UGT1A4: variants seen among roughly 807,000 people sequenced by gnomAD.
UGT1A4 encodes UDP glucuronosyltransferase family 1 member A4.
Under a neutral mutation model 41.1 loss-of-function variants are expected in UGT1A4, and 32 were observed. That is an observed-to-expected ratio of 0.78 (90% CI 0.59 to 1.05). UGT1A4 has a LOEUF of 1.05. Ranked by LOEUF, UGT1A4 falls within the 50% of genes least tolerant of loss-of-function variation. The pLI, the probability that UGT1A4 is intolerant of heterozygous loss-of-function variation, is 0.00. For missense variants in UGT1A4, 748 were observed against 677.4 expected, an observed-to-expected ratio of 1.10 and a Z score of -1.16; for synonymous variants, 283 against 265.1, an observed-to-expected ratio of 1.07 and a Z score of -0.66.
intron 1 of UGT1A4, chr2:233,761,302 C>G: frequency 6.8e-7 from 1 of 1,473,836 alleles, no homozygotes. Context: ...AGGTTTGAGT[C>G]TGTCTTTGGC....
chr2:233,726,289 A>G (rs568621451), intron 1 of UGT1A4, among the ~76,000 whole-genome samples: 9 of 152,322 alleles, frequency 5.9e-5, no homozygotes, highest in African/African-American at 1.9e-4. Context: ...GGTACTTGGG[A>G]GGCTCAGGTG....
At chr2:233,727,612 G>A (rs1475048958) in intron 1 of UGT1A4, among the ~76,000 whole-genome samples, 1 of 152,194 alleles carries the variant, frequency 6.6e-6, no homozygotes, top group Non-Finnish European at 1.5e-5. Flanking sequence ...GAATAGTTCA[G>A]AGGCTGAGAG....
At chr2:233,760,783 C>T in intron 1 of UGT1A4, 1 of 1,613,870 alleles carries the variant, frequency 6.2e-7, no homozygotes, top group Non-Finnish European at 8.5e-7. Flanking sequence ...GTACCTGTCT[C>T]TGCCCACTGT....
In UGT1A4 at chr2:233,768,235, G is replaced by A. The variant is rs374047963; in HGVS notation, c.1103G>A (p.Arg368His). ...QNDLLGHPMT[R>H]AFITHAGSHG... ...TGCATCTCAGGTCACCCGATGACCC[G>A]TGCCTTTATCACCCATGCTGGTTCC... Residue 368 changes from arginine (R) to histidine (H), a missense_variant, in exon 4 of 5, where the codon CGT becomes CAT. Physicochemically the swap from Arg to His is conservative, Grantham distance 29. Transcript: ENST00000373409. 3.8e-5 allele frequency: 62 copies of A among 1,614,018 alleles called. No homozygotes were observed. The highest frequency in any genetic ancestry group is 1.6e-4 in the Middle Eastern group (1 of 6,084).
In UGT1A4 at chr2:233,733,060, C is replaced by G. The variant is rs187398935; in HGVS notation, c.867+13373C>G. Among the ~76,000 whole-genome samples the G allele has an allele frequency of 7.2e-5, 11 of 152,200 alleles. No individual in the cohort carries two copies. The East Asian group carries it at 2.1e-3, about 29-fold the overall frequency. ...AAGTTGGATTCCTAGGTATTTTATT[C>G]TCTTTGTAGCAATTGTGAATGGGAG... is the stretch of plus-strand genomic sequence containing the variant. On this transcript the variant is annotated intron_variant, in intron 1 of 4. Transcript: ENST00000373409.
chr2:233,760,878 C>T (rs1697595439), intron 1 of UGT1A4: 1 of 1,614,062 alleles, frequency 6.2e-7, no homozygotes, highest in Admixed American at 1.7e-5. Context: ...CCAGGCCTCT[C>T]TCCTCTCATT....
intron 1 of UGT1A4, among the ~76,000 whole-genome samples, chr2:233,757,340 GC>G (rs1259479827): frequency 3.3e-5 from 5 of 151,162 alleles, no homozygotes; most frequent in Non-Finnish European, 7.4e-5. Flanking sequence ...GACCATGACA[GC>G]TGGGTCTGAG....
chr2:233,760,133 A>G, intron 1 of UGT1A4: 6 of 1,369,658 alleles, frequency 4.4e-6, no homozygotes, highest in East Asian at 2.5e-5. Context: ...CACCTTCTTT[A>G]TCTCTGAAAG....
At chr2:233,728,181 A>T (rs2077687901) in intron 1 of UGT1A4, among the ~76,000 whole-genome samples, 1 of 152,226 alleles carries the variant, frequency 6.6e-6, no homozygotes, top group South Asian at 2.1e-4. Context: ...CATTCTTATC[A>T]GAACTTGGTG....
At chr2:233,741,367 C>T (rs1691641318) in intron 1 of UGT1A4, among the ~76,000 whole-genome samples, 1 of 151,832 alleles carries the variant, frequency 6.6e-6, no homozygotes, top group Non-Finnish European at 1.5e-5. Context: ...CACAATGAAA[C>T]TGCCCATGCC....
At chr2:233,762,186 C>A (rs1400291325) in intron 1 of UGT1A4, among the ~76,000 whole-genome samples, 1 of 152,134 alleles carries the variant, frequency 6.6e-6, no homozygotes, top group African/African-American at 2.4e-5. Context: ...TCAACACCTG[C>A]CAATGGGTCT....
intron 1 of UGT1A4, chr2:233,743,968 T>G: frequency 7.5e-7 from 1 of 1,327,238 alleles, no homozygotes; most frequent in Non-Finnish European, 1.0e-6. Flanking sequence ...GCGGCAAGGC[T>G]GCCAGCACCC....
In UGT1A4 at chr2:233,769,571, G is replaced by A. The variant is rs1223462167; in HGVS notation, c.1307+1132G>A. On this transcript the variant is annotated intron_variant, in intron 4 of 4. Coordinates refer to ENST00000373409, the MANE Select transcript of UGT1A4 (RefSeq NM_007120.3). This position sits in a 1 kb window ranked among gnomAD's most constrained non-coding sequence, Gnocchi z 4.4. ...AGGAAGACAGATGTGAAGAGCTGGAGCATGTTCAGATGAGAGGAGACGGAA... is the reference window on the plus strand; with the variant it reads ...AGGAAGACAGATGTGAAGAGCTGGAACATGTTCAGATGAGAGGAGACGGAA... 1 of 1,612,768 alleles carries A rather than the reference G, an allele frequency of 6.2e-7. No homozygotes were observed. The highest frequency in any genetic ancestry group is 1.3e-5 in the African/African-American group (1 of 74,922).
intron 1 of UGT1A4, among the ~76,000 whole-genome samples, chr2:233,745,945 G>C (rs1693257711): frequency 6.6e-6 from 1 of 151,628 alleles, no homozygotes; most frequent in Non-Finnish European, 1.5e-5. Context: ...CTGGGGGTTG[G>C]GCAACTGGGG....
At chr2:233,746,604 C>T (rs901529128) in intron 1 of UGT1A4, among the ~76,000 whole-genome samples, 5 of 151,778 alleles carry the variant, frequency 3.3e-5, no homozygotes, top group Non-Finnish European at 5.9e-5. Flanking sequence ...TGTCTCTGTT[C>T]ACCTGACCCC....
At chr2:233,729,605 TGCTG>T (rs755451015) in intron 1 of UGT1A4, 6 of 1,614,008 alleles carry the variant, frequency 3.7e-6, no homozygotes, top group South Asian at 1.1e-5. Context: ...TGCGCGGCAG[TGCTG>T]GCTAAGTACC....
Position 233,719,100 on chromosome 2 carries a change from C to A in UGT1A4, c.280C>A (p.Leu94Met), listed in dbSNP as rs780011480. The part of the protein sequence containing the change: ...WTQKEFDRVT[L>M]GYTQGFFETE... ...CCAGAAGGAATTTGATCGCGTTACG[C>A]TGGGCTACACTCAAGGGTTCTTTGA... Residue 94 changes from leucine (L) to methionine (M), a missense_variant, in exon 1 of 5, where the codon CTG becomes ATG. By Grantham distance (15) the Leu-to-Met change is conservative (BLOSUM62 2). Coordinates refer to ENST00000373409, the MANE Select transcript of UGT1A4 (RefSeq NM_007120.3). 6.2e-7 allele frequency: 1 copy of A among 1,614,270 alleles called. No individual in the cohort carries two copies. Among genetic ancestry groups the A allele is most frequent in the Admixed American group, 1.7e-5 (1 of 60,034 alleles).
At chr2:233,730,691 A>C (rs2078062860) in intron 1 of UGT1A4, among the ~76,000 whole-genome samples, 1 of 152,096 alleles carries the variant, frequency 6.6e-6, no homozygotes, top group Admixed American at 6.5e-5. Flanking sequence ...ATCTCAAATG[A>C]TTCTTCTACT....
At chr2:233,755,225 C>G (rs563873154) in intron 1 of UGT1A4, 4 of 974,952 alleles carry the variant, frequency 4.1e-6, no homozygotes, top group Non-Finnish European at 6.0e-6. Flanking sequence ...TACCCTCGGA[C>G]GAGGCCTACC....
Sources: allele counts gnomAD v4.1 joint callset (sites outside exome capture counted in the v4.1 genomes callset), GRCh38; gene constraint gnomAD v4.1.1; non-coding constraint Gnocchi (gnomAD v3.1); transcripts MANE v1.5; gene names NCBI Gene and HGNC (gene_info 2026-07-23, HGNC 2026-07-21).